Variants in CENPW observed in about 807,000 individuals in gnomAD.
CENPW encodes the protein cancer-up-regulated gene 2 protein.
In CENPW, 3 loss-of-function variants were observed where a neutral mutation model predicts 11.1. The ratio of observed to expected loss-of-function variants is 0.27; its 90% CI spans 0.12 to 0.70. The LOEUF is 0.70. CENPW is among the 30% of genes least tolerant of loss of function. The pLI, the probability that CENPW is intolerant of heterozygous loss-of-function variation, is 0.77. For missense variants in CENPW, 100 were observed against 105.6 expected (o/e 0.95, Z 0.23); for synonymous variants, 38 against 42.0 (o/e 0.91, Z 0.37).
the CENPW span, among the ~76,000 whole-genome samples, chr6:126,426,977 G>A: frequency 6.6e-6 from 1 of 152,222 alleles, no homozygotes; most frequent in South Asian, 2.1e-4. Flanking sequence ...TATATAATTT[G>A]TCACCTGATT....
the CENPW span, among the ~76,000 whole-genome samples, chr6:126,418,207 CAT>C: frequency 6.6e-6 from 1 of 152,178 alleles, no homozygotes. Context: ...AAATGTTAAA[CAT>C]AGATTTGCCA....
At chr6:126,474,210 T>C in the CENPW span, among the ~76,000 whole-genome samples, 2 of 152,094 alleles carry the variant, frequency 1.3e-5, no homozygotes, top group Non-Finnish European at 2.9e-5. Flanking sequence ...CCTGTAAAGA[T>C]TGGGAACAAG....
the CENPW span, among the ~76,000 whole-genome samples, chr6:126,367,203 T>G: frequency 5.9e-5 from 9 of 152,076 alleles, no homozygotes; most frequent in Non-Finnish European, 1.0e-4. Context: ...AAATTTCAAT[T>G]TAATAGCTCT....
chr6:126,374,354 G>A, the CENPW span, among the ~76,000 whole-genome samples: 6 of 152,214 alleles, frequency 3.9e-5, no homozygotes, highest in South Asian at 1.2e-3. Context: ...TTAAAATTGA[G>A]CCATCTTTGG....
At chr6:126,452,449 A>T in the CENPW span, among the ~76,000 whole-genome samples, 1 of 151,100 alleles carries the variant, frequency 6.6e-6, no homozygotes, top group Non-Finnish European at 1.5e-5. Context: ...CGTATTAGAA[A>T]TTTAAGAGCT....
At chr6:126,384,328 A>T in the CENPW span, among the ~76,000 whole-genome samples, 1 of 152,098 alleles carries the variant, frequency 6.6e-6, no homozygotes, top group Non-Finnish European at 1.5e-5. Context: ...GAAGGCCATC[A>T]TAAGCAAAGA....
the CENPW span, among the ~76,000 whole-genome samples, chr6:126,434,061 G>C: frequency 6.6e-6 from 1 of 152,094 alleles, no homozygotes; most frequent in Non-Finnish European, 1.5e-5. Flanking sequence ...TTCCAAGATA[G>C]GCAAGCACTT....
chr6:126,465,869 A>G, the CENPW span, among the ~76,000 whole-genome samples: 101 of 152,250 alleles, frequency 6.6e-4, 4 homozygotes, highest in South Asian at 0.021. Flanking sequence ...CACAGACAGT[A>G]TTATCTAGAT....
the CENPW span, among the ~76,000 whole-genome samples, chr6:126,409,599 C>T: frequency 1.1e-4 from 16 of 151,932 alleles, no homozygotes; most frequent in South Asian, 1.7e-3. Context: ...TCTGGTGCTT[C>T]GTGCATACAT....
chr6:126,383,796 G>A, the CENPW span, among the ~76,000 whole-genome samples: 21 of 152,250 alleles, frequency 1.4e-4, no homozygotes, highest in East Asian at 2.3e-3. Context: ...GACCTGCAGA[G>A]AGACTTAGAC....
the CENPW span, among the ~76,000 whole-genome samples, chr6:126,365,787 GT>G: frequency 6.6e-6 from 1 of 152,148 alleles, no homozygotes; most frequent in Non-Finnish European, 1.5e-5. Flanking sequence ...AAAAGCACAT[GT>G]TTGTTTTTGT....
the CENPW span, among the ~76,000 whole-genome samples, chr6:126,408,137 A>G: frequency 1.3e-5 from 2 of 152,152 alleles, no homozygotes; most frequent in African/African-American, 4.8e-5. Flanking sequence ...CCATATGCAT[A>G]AAGTTGAAAT....
the CENPW span, among the ~76,000 whole-genome samples, chr6:126,376,088 A>G: frequency 2.0e-5 from 3 of 152,098 alleles, no homozygotes; most frequent in Non-Finnish European, 4.4e-5. Context: ...TGAGACACTA[A>G]CCCAGTTTTT....
the CENPW span, among the ~76,000 whole-genome samples, chr6:126,448,325 C>T: frequency 1.3e-5 from 2 of 151,090 alleles, no homozygotes; most frequent in Non-Finnish European, 3.0e-5. Context: ...AATATGTAGT[C>T]TGATCTCAGA....
chr6:126,473,102 T>C, the CENPW span, among the ~76,000 whole-genome samples: 1 of 152,214 alleles, frequency 6.6e-6, no homozygotes, highest in Non-Finnish European at 1.5e-5. Context: ...TTATTATTAT[T>C]GTTAAATAGT....
At chr6:126,411,372 T>A in the CENPW span, among the ~76,000 whole-genome samples, 15 of 152,270 alleles carry the variant, frequency 9.9e-5, no homozygotes, top group Admixed American at 8.5e-4. Context: ...TTTCCCCACA[T>A]TGGGGAGACC....
chr6:126,381,869 T>G, the CENPW span, among the ~76,000 whole-genome samples: 4 of 152,044 alleles, frequency 2.6e-5, no homozygotes, highest in Non-Finnish European at 5.9e-5. Context: ...AGCACACAGT[T>G]CAGAAGTCCT....
At chr6:126,436,463 C>T in the CENPW span, among the ~76,000 whole-genome samples, 1 of 151,752 alleles carries the variant, frequency 6.6e-6, no homozygotes, top group Admixed American at 6.6e-5. Flanking sequence ...ACCTTGGACA[C>T]AACTCTACTT....
the CENPW span, among the ~76,000 whole-genome samples, chr6:126,438,902 C>T: frequency 6.6e-6 from 1 of 151,604 alleles, no homozygotes; most frequent in African/African-American, 2.4e-5. Context: ...TTCTTTAAGA[C>T]ATAATACACA....
Sources: allele counts gnomAD v4.1 joint callset (sites outside exome capture counted in the v4.1 genomes callset), GRCh38; gene constraint gnomAD v4.1.1; transcripts MANE v1.5; gene names NCBI Gene and HGNC (gene_info 2026-07-23, HGNC 2026-07-21).